The following NBAS variants were observed in gnomAD, a reference collection of about 807,000 sequenced individuals.
NBAS encodes NAG/BC035112 fusion.
In NBAS, 219 loss-of-function variants were observed where a neutral mutation model predicts 302.5. The ratio of observed to expected loss-of-function variants is 0.72; its 90% CI spans 0.65 to 0.81. The LOEUF (loss-of-function observed/expected upper bound fraction) is 0.81, where lower values mean the gene tolerates loss of function less well. NBAS is among the 30% of genes least tolerant of loss of function. The probability of loss-of-function intolerance (pLI) is 0.00; values close to 1 mark genes in which losing one functional copy is unlikely to be tolerated. For synonymous variants in NBAS, 1,118 were observed against 1,021.6 expected (o/e 1.09, Z -1.80); for missense variants, 2,932 against 2,841.6 (o/e 1.03, Z -0.72).
chr2:15,254,126 C>G (rs1668479950), intron 44 of NBAS, among the ~76,000 whole-genome samples: 1 of 152,088 alleles, frequency 6.6e-6, no homozygotes, highest in South Asian at 2.1e-4. Flanking sequence ...TGTAGACTGG[C>G]CTTCTGAGAT....
intron 44 of NBAS, among the ~76,000 whole-genome samples, chr2:15,251,087 A>C (rs1668344740): frequency 6.6e-6 from 1 of 152,230 alleles, no homozygotes; most frequent in Non-Finnish European, 1.5e-5. Context: ...AACCAGATAA[A>C]GAAAATGTGG....
chr2:15,468,619 TA>T, intron 16 of NBAS, 86 bp from the exon 17 acceptor site: 1 of 1,457,626 alleles, frequency 6.9e-7, no homozygotes, highest in Non-Finnish European at 9.6e-7. Context: ...TGTAAAGCTA[TA>T]CCTGATGTAT....
chr2:14,787,848 C>T, the NBAS span, among the ~76,000 whole-genome samples: 3 of 152,230 alleles, frequency 2.0e-5, no homozygotes, highest in South Asian at 2.1e-4. Context: ...CTCTGTATTT[C>T]CTGAATCTGA....
At chr2:15,296,533 AC>A (rs1434442245) in intron 40 of NBAS, among the ~76,000 whole-genome samples, 4 of 101,322 alleles carry the variant, frequency 3.9e-5, no homozygotes, top group African/African-American at 2.1e-4. Flanking sequence ...CTCAAAAAAA[AC>A]AAAACAAAAC....
the NBAS span, among the ~76,000 whole-genome samples, chr2:15,007,166 G>A: frequency 5.5e-3 from 838 of 152,236 alleles, 6 homozygotes; most frequent in South Asian, 0.02. Context: ...CATCTTCATA[G>A]AATTTGAACT....
chr2:15,245,032 A>T (rs1668028165), intron 44 of NBAS, among the ~76,000 whole-genome samples: 1 of 151,976 alleles, frequency 6.6e-6, no homozygotes, highest in Non-Finnish European at 1.5e-5. Context: ...GCCCTGAGGG[A>T]GGCGTCTGTT....
the NBAS span, among the ~76,000 whole-genome samples, chr2:15,062,992 A>C: frequency 1.3e-5 from 2 of 152,152 alleles, no homozygotes; most frequent in Non-Finnish European, 2.9e-5. Flanking sequence ...AGATGCATCT[A>C]GCTATGGCTT....
At chr2:15,510,173 C>T (rs1662073610) in intron 10 of NBAS, among the ~76,000 whole-genome samples, 1 of 152,202 alleles carries the variant, frequency 6.6e-6, no homozygotes, top group Admixed American at 6.5e-5. Context: ...ATACAGTTTA[C>T]ACAAATAACT....
rs1664045497 is a variant in NBAS, at chr2:15,166,965, T to A, written c.*83A>T. On this transcript the variant is annotated 3_prime_UTR_variant, in exon 52 of 52. Transcript: ENST00000281513. ...AATTTGTTGGAACCATGGAGAACAA[T>A]CGGCAGATACACATGTTGCTTCTGG... 2.7e-6 allele frequency: 4 copies of A among 1,458,608 alleles called. No homozygotes were observed. The South Asian group carries it at 6.0e-5, about 22-fold the overall frequency. The allele number at this position is 1,458,608 out of a possible 1,614,324, so 90.4% of individuals were successfully genotyped here.
the NBAS span, among the ~76,000 whole-genome samples, chr2:15,117,252 C>T: frequency 2.6e-5 from 4 of 152,178 alleles, no homozygotes; most frequent in Admixed American, 2.0e-4. Flanking sequence ...AATAACTCTG[C>T]ACCCAAAGCC....
At chr2:15,395,002 T>A (rs1432718986) in intron 27 of NBAS, among the ~76,000 whole-genome samples, 1 of 152,074 alleles carries the variant, frequency 6.6e-6, no homozygotes, top group Non-Finnish European at 1.5e-5. Flanking sequence ...GAATATAGGT[T>A]TCATCAGTAA....
chr2:15,137,470 C>T, the NBAS span, among the ~76,000 whole-genome samples: 1 of 152,160 alleles, frequency 6.6e-6, no homozygotes, highest in Non-Finnish European at 1.5e-5. Context: ...AGCCACAAAA[C>T]ATCATGCCAG....
the NBAS span, among the ~76,000 whole-genome samples, chr2:14,855,081 CA>C: frequency 3.9e-5 from 6 of 151,926 alleles, no homozygotes; most frequent in African/African-American, 1.5e-4. Flanking sequence ...GGATACACCC[CA>C]GCCACAGCAT....
At chr2:15,249,329 C>G (rs574468549) in intron 44 of NBAS, among the ~76,000 whole-genome samples, 4 of 152,100 alleles carry the variant, frequency 2.6e-5, no homozygotes, top group Non-Finnish European at 5.9e-5. Context: ...ATAAAAAGAG[C>G]TATTTATGAC....
the NBAS span, among the ~76,000 whole-genome samples, chr2:15,142,788 T>A: frequency 6.6e-6 from 1 of 152,110 alleles, no homozygotes; most frequent in Non-Finnish European, 1.5e-5. Context: ...GAAACACACA[T>A]CCCCTCAAGA....
intron 9 of NBAS, among the ~76,000 whole-genome samples, chr2:15,518,174 C>G (rs564504818): frequency 6.7e-6 from 1 of 149,062 alleles, no homozygotes; most frequent in East Asian, 2.0e-4. Context: ...CACGTTGCAT[C>G]AACCCACAAG....
the NBAS span, among the ~76,000 whole-genome samples, chr2:14,904,038 A>G: frequency 1.3e-5 from 2 of 152,168 alleles, no homozygotes; most frequent in African/African-American, 4.8e-5. Flanking sequence ...ACTCAGAGAA[A>G]CGGGGGCATT....
the NBAS span, among the ~76,000 whole-genome samples, chr2:15,155,575 C>T: frequency 6.6e-6 from 1 of 152,168 alleles, no homozygotes; most frequent in Non-Finnish European, 1.5e-5. Flanking sequence ...TCAAGGCTTC[C>T]AGGGAATCAG....
chr2:15,042,765 G>C, the NBAS span, among the ~76,000 whole-genome samples: 4 of 152,188 alleles, frequency 2.6e-5, no homozygotes, highest in African/African-American at 9.7e-5. Flanking sequence ...TCCATAAATG[G>C]AGAGATTCTG....
Sources: allele counts gnomAD v4.1 joint callset (sites outside exome capture counted in the v4.1 genomes callset), GRCh38; gene constraint gnomAD v4.1.1; transcripts MANE v1.5; gene names NCBI Gene and HGNC (gene_info 2026-07-23, HGNC 2026-07-21).